The following CFAP54 variants were observed in gnomAD, a reference collection of about 807,000 sequenced individuals.
The protein encoded by CFAP54 is cilia and flagella associated protein 54.
CFAP54 carries 290 observed loss-of-function variants against 370.4 expected under a neutral mutation model. That is an observed-to-expected ratio of 0.78 (90% CI 0.71 to 0.86). The LOEUF is 0.86. Among genes scored for constraint, CFAP54 ranks in the 40% least tolerant of loss-of-function variants. CFAP54 has a pLI of 0.00. For missense variants in CFAP54, 3,399 were observed against 3,528.7 expected (o/e 0.96, Z 0.93); for synonymous variants, 1,206 against 1,236.5 (o/e 0.98, Z 0.52).
intron 33 of CFAP54, chr12:96,646,867 C>T (rs1239071057): frequency 6.6e-6 from 1 of 152,172 alleles, no homozygotes; most frequent in South Asian, 2.1e-4. Flanking sequence ...AAATCAAACA[C>T]CGCATGTTCT....
At chr12:96,566,601 G>A (rs1955867496) in intron 19 of CFAP54, among the ~76,000 whole-genome samples, 1 of 152,268 alleles carries the variant, frequency 6.6e-6, no homozygotes, top group Admixed American at 6.5e-5. Context: ...GGTGTCTATG[G>A]AAATATCAAG....
At chr12:96,693,228 T>C (rs561890117) in intron 44 of CFAP54, among the ~76,000 whole-genome samples, 131 of 152,350 alleles carry the variant, frequency 8.6e-4, no homozygotes, top group Non-Finnish European at 1.3e-3. Flanking sequence ...GTTATAAATA[T>C]TTTTTGTTGA....
chr12:96,839,316 A>G (rs1431673509), intron 66 of CFAP54, among the ~76,000 whole-genome samples: 2 of 152,240 alleles, frequency 1.3e-5, no homozygotes, highest in African/African-American at 4.8e-5. Flanking sequence ...GCCTGCCACA[A>G]TGTAAGCAAA....
At chr12:96,850,609 A>G (rs1275998481) in intron 66 of CFAP54, among the ~76,000 whole-genome samples, 1 of 152,152 alleles carries the variant, frequency 6.6e-6, no homozygotes, top group Non-Finnish European at 1.5e-5. Flanking sequence ...CAAGTCCCTT[A>G]AAGTCTCTAG....
chr12:96,729,322 G>T (rs918451611), intron 50 of CFAP54, among the ~76,000 whole-genome samples: 1 of 152,216 alleles, frequency 6.6e-6, no homozygotes, highest in African/African-American at 2.4e-5. Flanking sequence ...TTGAGCTGTG[G>T]TGGGCTCCAC....
chr12:96,536,631 T>TC (rs35071882), intron 12 of CFAP54, among the ~76,000 whole-genome samples: 2,174 of 55,746 alleles, frequency 0.039, 58 homozygotes, highest in African/African-American at 0.12. Context: ...TTTTTCTTTT[T>TC]TTTTTTTTTT....
chr12:96,710,572 G>A (rs1261827460), intron 48 of CFAP54, among the ~76,000 whole-genome samples: 1 of 152,088 alleles, frequency 6.6e-6, no homozygotes, highest in East Asian at 1.9e-4. Flanking sequence ...GCACATGAAA[G>A]GTGTACTCAC....
intron 26 of CFAP54, 114 bp from the exon 27 acceptor site, chr12:96,621,476 G>A (rs1956487603): frequency 1.5e-6 from 1 of 654,928 alleles, no homozygotes; most frequent in Non-Finnish European, 2.2e-6. Flanking sequence ...AATAAAAGGG[G>A]GATTCTTAGA....
At chr12:96,547,354 T>C (rs917502093) in intron 14 of CFAP54, among the ~76,000 whole-genome samples, 3 of 152,030 alleles carry the variant, frequency 2.0e-5, no homozygotes, top group African/African-American at 4.8e-5. Flanking sequence ...GCCTGGCTAA[T>C]TTTTGTATTT....
chr12:96,644,134 T>C, intron 32 of CFAP54, 44 bp from the exon 33 acceptor site: 2 of 1,266,348 alleles, frequency 1.6e-6, no homozygotes, highest in African/African-American at 1.5e-5. Context: ...ATTAAATATC[T>C]GAAAGTTCTT....
At chr12:96,644,114 ATTC>A (rs1956763962) in intron 32 of CFAP54, 61 bp from the exon 33 acceptor site, 2 of 1,095,894 alleles carry the variant, frequency 1.8e-6, no homozygotes, top group Non-Finnish European at 2.6e-6. Context: ...AATTGGAATG[ATTC>A]TTCTTTATTA....
At chr12:96,645,003 T>C (rs1258145319) in intron 33 of CFAP54, among the ~76,000 whole-genome samples, 1 of 152,196 alleles carries the variant, frequency 6.6e-6, no homozygotes, top group Non-Finnish European at 1.5e-5. Context: ...TAGCTTTCAG[T>C]GCAAGGGTAA....
intron 1 of CFAP54, among the ~76,000 whole-genome samples, chr12:96,495,389 C>T (rs1436271893): frequency 1.3e-5 from 2 of 151,728 alleles, no homozygotes; most frequent in African/African-American, 2.4e-5. Context: ...CTCACTGCTA[C>T]GTCTGCCTCC....
chr12:96,694,895 C>T (rs1285470725), intron 45 of CFAP54, among the ~76,000 whole-genome samples: 2 of 152,022 alleles, frequency 1.3e-5, no homozygotes, highest in Non-Finnish European at 2.9e-5. Flanking sequence ...GTGGCAGGTG[C>T]CTGAAATCCC....
intron 13 of CFAP54, among the ~76,000 whole-genome samples, chr12:96,539,728 G>A (rs1037974877): frequency 5.3e-5 from 8 of 151,968 alleles, no homozygotes; most frequent in South Asian, 2.1e-4. Flanking sequence ...GGTCATATGA[G>A]CTTGGATCAA....
intron 14 of CFAP54, among the ~76,000 whole-genome samples, chr12:96,546,795 C>T (rs1001799371): frequency 6.8e-5 from 10 of 147,378 alleles, no homozygotes; most frequent in South Asian, 2.3e-4. Context: ...TGCCACTGCC[C>T]TCTAGCCTGG....
intron 64 of CFAP54, among the ~76,000 whole-genome samples, chr12:96,812,874 CT>C (rs983448388): frequency 6.6e-5 from 10 of 152,028 alleles, no homozygotes; most frequent in African/African-American, 2.4e-4. Context: ...TTCTTTTCTT[CT>C]TTTCTCCTCT....
rs186740858 is a variant in CFAP54, at chr12:96,671,855, G to T, written c.5564-7745G>T. Reference sequence around the variant, plus strand: ...GAGAATCACTTGAACCCAGGAGGTGGAGGTTGCAGTGAGCCAAGATCGTGC... The same window carrying T: ...GAGAATCACTTGAACCCAGGAGGTGTAGGTTGCAGTGAGCCAAGATCGTGC... On this transcript the variant is annotated intron_variant, in intron 39 of 67. Coordinates refer to ENST00000524981, the MANE Select transcript of CFAP54 (RefSeq NM_001306084.2). Among the ~76,000 whole-genome samples, 302 of 152,264 alleles carry T rather than the reference G, an allele frequency of 2.0e-3. 1 individual carries two copies. The highest frequency in any genetic ancestry group is 6.9e-3 in the African/African-American group (288 of 41,544).
intron 16 of CFAP54, 75 bp from the exon 17 acceptor site, chr12:96,554,601 T>G (rs1043757063): frequency 7.5e-7 from 1 of 1,331,054 alleles, no homozygotes; most frequent in Admixed American, 2.5e-5. Context: ...ATAACTTGAG[T>G]GATAATAGTA....
Sources: gnomAD v4.1 joint callset for allele counts (sites outside exome capture counted in the v4.1 genomes callset) on GRCh38, gnomAD v4.1.1 for gene constraint, MANE v1.5 for transcripts, NCBI Gene and HGNC (gene_info 2026-07-23, HGNC 2026-07-21) for gene names.